The following MYO7A variants were observed in gnomAD, a reference collection of about 807,000 sequenced individuals.
MYO7A encodes myosin VIIA, also known as unconventional myosin-VIIa.
In MYO7A, 210 loss-of-function variants were observed where a neutral mutation model predicts 263.8. The ratio of observed to expected loss-of-function variants is 0.80; its 90% confidence interval spans 0.71 to 0.89. MYO7A has a LOEUF of 0.89. Among genes scored for constraint, MYO7A ranks in the 40% least tolerant of loss-of-function variants. The pLI, the probability that MYO7A is intolerant of heterozygous loss-of-function variation, is 0.00. For missense variants in MYO7A, 2,820 were observed against 2,968.3 expected (o/e 0.95, Z 1.16); for synonymous variants, 1,239 against 1,197.3 (o/e 1.03, Z -0.72).
chr11:77,138,834 C>T lies in MYO7A; in HGVS notation c.19-3875C>T, dbSNP rs942128944. On this transcript the variant is annotated intron_variant, in intron 2 of 48. Transcript: ENST00000409709. This position sits in a 1 kb window ranked among gnomAD's most constrained non-coding sequence, Gnocchi z 4.9. ...TTAGCAACTAGACACTAGCAAGATGCTTGGCTCACGTTTCCCATCTGTGAA... is the reference window on the plus strand; with the variant it reads ...TTAGCAACTAGACACTAGCAAGATGTTTGGCTCACGTTTCCCATCTGTGAA... Among the ~76,000 whole-genome samples the T allele has an allele frequency of 8.5e-5, 13 of 152,238 alleles. No homozygotes were observed. Among genetic ancestry groups the T allele is most frequent in the African/African-American group, 2.7e-4 (11 of 41,462 alleles).
chr11:77,142,915 G>A, intron 3 of MYO7A, 93 bp downstream of exon 3: 2 of 1,062,500 alleles, frequency 1.9e-6, no homozygotes, highest in Non-Finnish European at 2.8e-6. Context: ...GAAAGGAGAT[G>A]GAGGCCATGC....
intron 3 of MYO7A, among the ~76,000 whole-genome samples, chr11:77,145,491 C>A (rs1951498482): frequency 6.6e-6 from 1 of 152,188 alleles, no homozygotes; most frequent in African/African-American, 2.4e-5. Flanking sequence ...GGACCTGAGG[C>A]TGGGGTCAAG....
intron 8 of MYO7A, among the ~76,000 whole-genome samples, chr11:77,157,877 TCTC>T (rs1952643142): frequency 6.6e-6 from 1 of 152,026 alleles, no homozygotes; most frequent in Non-Finnish European, 1.5e-5. Context: ...TGCAGTTACC[TCTC>T]CTCTGTCTAC....
At chr11:77,159,155 C>G (rs1952755268) in intron 9 of MYO7A, among the ~76,000 whole-genome samples, 1 of 152,212 alleles carries the variant, frequency 6.6e-6, no homozygotes, top group African/African-American at 2.4e-5. Flanking sequence ...GCCAAGAGCC[C>G]TGGGAGTGGG....
chr11:77,208,956 G>A (rs1000813656), intron 44 of MYO7A, 153 bp downstream of exon 44: 5 of 651,616 alleles, frequency 7.7e-6, no homozygotes, highest in African/African-American at 3.6e-5. Context: ...AGCCCCAAGG[G>A]ATGGCCCAAC....
At chr11:77,207,663 A>C (rs1957543200) in intron 42 of MYO7A, among the ~76,000 whole-genome samples, 2 of 152,134 alleles carry the variant, frequency 1.3e-5, no homozygotes, top group South Asian at 4.1e-4. Flanking sequence ...CCAGACCCTC[A>C]CCCTGCCCCA....
chr11:77,211,385 CG>C (rs1196120833), intron 45 of MYO7A, 48 bp downstream of exon 45: 8 of 1,529,464 alleles, frequency 5.2e-6, no homozygotes, highest in Non-Finnish European at 7.1e-6. Context: ...GAATGGGCCT[CG>C]GGGCACCCCA....
chr11:77,182,943 A>G, intron 25 of MYO7A, 125 bp from the exon 26 acceptor site: 1 of 836,866 alleles, frequency 1.2e-6, no homozygotes, highest in Non-Finnish European at 2.0e-6. Context: ...GGACGGTGGC[A>G]GTGTGGGGGA....
chr11:77,204,112 G>A lies in MYO7A; in HGVS notation c.5363G>A (p.Arg1788Lys), dbSNP rs1242415977. 1 of 1,601,536 alleles carries A rather than the reference G, an allele frequency of 6.2e-7. No homozygotes were observed. The highest frequency in any genetic ancestry group is 8.5e-7 in the Non-Finnish European group (1 of 1,174,268). The change falls in exon 39 of 49, where the codon AGG becomes AAG. Residue 1788 changes from arginine to lysine, a missense_variant. Transcript: ENST00000409709. ...LKYMGDYPSKRTRSVNELTDQ... is the reference protein window; with the variant it reads ...LKYMGDYPSKKTRSVNELTDQ... ...TACATGGGCGACTACCCGTCCAAGAGGACACGCTCCGTCAACGAGCTCACC... is the reference window on the plus strand; with the variant it reads ...TACATGGGCGACTACCCGTCCAAGAAGACACGCTCCGTCAACGAGCTCACC...
rs1443236626 is a variant in MYO7A, at chr11:77,190,061, C to G, written c.3672C>G (p.Ala1224=). The G allele has an allele frequency of 1.1e-5, 18 of 1,574,274 alleles. No homozygotes were observed. The highest frequency in any genetic ancestry group is 1.6e-5 in the Non-Finnish European group (18 of 1,160,680). Residue 1224 remains alanine, a synonymous_variant, in exon 29 of 49, where the codon GCC becomes GCG. Coordinates refer to ENST00000409709, the MANE Select transcript of MYO7A (RefSeq NM_000260.4). ...NFIHGGPPGY[A]PYCEERLRRT... ...TCCACGGGGGCCCGCCCGGCTACGCCCCGTACTGTGAGGAGCGCCTGAGAA... is the reference window on the plus strand; with the variant it reads ...TCCACGGGGGCCCGCCCGGCTACGCGCCGTACTGTGAGGAGCGCCTGAGAA...
intron 28 of MYO7A, 28 bp downstream of exon 28, chr11:77,189,498 G>A: frequency 1.9e-6 from 3 of 1,613,184 alleles, no homozygotes; most frequent in Non-Finnish European, 2.5e-6. Context: ...CTCCTGGAGT[G>A]GGAAGGGGAG....
intron 44 of MYO7A, among the ~76,000 whole-genome samples, chr11:77,209,646 C>T (rs1353717791): frequency 2.0e-5 from 3 of 152,028 alleles, no homozygotes; most frequent in African/African-American, 4.8e-5. Context: ...TACCTGATGA[C>T]TGTACCTCCT....
intron 27 of MYO7A, among the ~76,000 whole-genome samples, chr11:77,185,907 G>A (rs529998516): frequency 1.3e-4 from 19 of 151,014 alleles, no homozygotes; most frequent in Non-Finnish European, 2.8e-4. Context: ...AATAACATTC[G>A]TCTCCTTGTA....
rs558097664 is a variant in MYO7A at position 77,201,626 on chromosome 11, G to A, written c.5031G>A (p.Pro1677=). Residue 1677 remains proline, a synonymous_variant, in exon 36 of 49, where the codon CCG becomes CCA. Coordinates refer to ENST00000409709, the MANE Select transcript of MYO7A (RefSeq NM_000260.4). ...VYVMPTVTMP[P]REIVALVTMT... is the part of the protein sequence containing the mutation. ...TCATGCCCACTGTCACCATGCCACC[G>A]CGGGAGATTGTGGTATGTGGCCTGG... 1.5e-5 allele frequency: 24 copies of A among 1,613,398 alleles called. No individual in the cohort carries two copies. The highest frequency in any genetic ancestry group is 6.7e-5 in the African/African-American group (5 of 75,038).
chr11:77,184,682 T>C lies in MYO7A; in HGVS notation c.3470T>C (p.Ile1157Thr). The change falls in exon 27 of 49, where the codon ATC becomes ACC. Residue 1157 changes from isoleucine (I) to threonine (T), a missense_variant. Physicochemically the swap from Ile to Thr is moderately conservative, Grantham distance 89. Transcript: ENST00000409709. ...TCCAACCTGGAGAAGCTGCACTTCA[T>C]CATCGGCAATGGCATCCTGCGGCCA... is the stretch of plus-strand genomic sequence containing the variant. ...PTSNLEKLHF[I>T]IGNGILRPAL... 6.3e-7 allele frequency: 1 copy of C among 1,599,198 alleles called. No individual in the cohort carries two copies. The highest frequency in any genetic ancestry group is 1.7e-5 in the Admixed American group (1 of 57,902).
At chr11:77,191,883 G>A (rs563686022) in intron 30 of MYO7A, among the ~76,000 whole-genome samples, 168 bp from the exon 31 acceptor site, 1 of 152,342 alleles carries the variant, frequency 6.6e-6, no homozygotes, top group South Asian at 2.1e-4. Flanking sequence ...GTGGGGGTGC[G>A]GCTTAGAGCC....
chr11:77,190,815 A>G lies in MYO7A; in HGVS notation c.3869A>G (p.Lys1290Arg). Residue 1290 changes from lysine (K) to arginine (R), a missense_variant, in exon 30 of 49, where the codon AAG becomes AGG. Transcript: ENST00000409709. ...AKELCNALAD[K>R]ISLKDRFGFS... is the part of the protein sequence containing the mutation. ...GAGCTCTGCAACGCGCTGGCCGACA[A>G]GATCTCTCTCAAGGACCGGTTCGGG... The G allele has an allele frequency of 2.5e-6, 4 of 1,591,436 alleles. No individual in the cohort carries two copies. Among genetic ancestry groups the G allele is most frequent in the Non-Finnish European group, 3.4e-6 (4 of 1,169,566 alleles).
chr11:77,176,992 G>C (rs1197690150), intron 18 of MYO7A, among the ~76,000 whole-genome samples: 1 of 152,162 alleles, frequency 6.6e-6, no homozygotes, highest in Non-Finnish European at 1.5e-5. Context: ...CTGGATCATG[G>C]GTGGCCTTGA....
rs1565301539 is a variant in MYO7A, at chr11:77,138,716, G to A, written c.19-3993G>A. On this transcript the variant is annotated intron_variant, in intron 2 of 48. Coordinates refer to ENST00000409709, the MANE Select transcript of MYO7A (RefSeq NM_000260.4). This position sits in a 1 kb window ranked among gnomAD's most constrained non-coding sequence, Gnocchi z 4.9. ...GATCCAGAGCAGGGAGCACCTCCAGGTGCACAGAGGGACCCCCAGCCATAG... is the reference window on the plus strand; with the variant it reads ...GATCCAGAGCAGGGAGCACCTCCAGATGCACAGAGGGACCCCCAGCCATAG... Among the ~76,000 whole-genome samples the A allele has an allele frequency of 6.6e-6, 1 of 152,200 alleles. No individual in the cohort carries two copies. Among genetic ancestry groups the A allele is most frequent in the Non-Finnish European group, 1.5e-5 (1 of 68,042 alleles).
Sources: allele counts gnomAD v4.1 joint callset (sites outside exome capture counted in the v4.1 genomes callset), GRCh38; gene constraint gnomAD v4.1.1; non-coding constraint Gnocchi (gnomAD v3.1); transcripts MANE v1.5; gene names NCBI Gene and HGNC (gene_info 2026-07-23, HGNC 2026-07-21).